Variants in COBLL1 observed in about 807,000 individuals in gnomAD.
COBLL1 encodes the protein cordon-bleu WH2 repeat protein like 1, also known as cordon-bleu protein-like 1.
A neutral mutation model predicts 94.8 loss-of-function variants in COBLL1; 50 were observed. The observed-to-expected ratio is 0.53, with a 90% confidence interval of 0.42 to 0.67. The LOEUF (loss-of-function observed/expected upper bound fraction) is 0.67. Ranked by LOEUF, COBLL1 falls within the 30% of genes least tolerant of loss-of-function variation. The pLI is 0.00. For synonymous variants in COBLL1, 448 were observed against 473.8 expected (o/e 0.95, Z 0.71); for missense variants, 1,362 against 1,348.7 (o/e 1.01, Z -0.15).
At chr2:164,811,206 G>C (rs1684441626) in intron 2 of COBLL1, among the ~76,000 whole-genome samples, 1 of 151,800 alleles carries the variant, frequency 6.6e-6, no homozygotes, top group South Asian at 2.1e-4. Flanking sequence ...GATTTTACAG[G>C]ATATGATGAA....
intron 2 of COBLL1, among the ~76,000 whole-genome samples, chr2:164,815,760 A>C (rs1260013044): frequency 1.3e-5 from 2 of 152,072 alleles, no homozygotes; most frequent in African/African-American, 4.8e-5. Context: ...TCCTCCCCAA[A>C]CCATATTATT....
chr2:164,768,026 T>C (rs754221484), intron 2 of COBLL1, among the ~76,000 whole-genome samples: 1 of 152,172 alleles, frequency 6.6e-6, no homozygotes, highest in Non-Finnish European at 1.5e-5. Flanking sequence ...GGAAATCTTA[T>C]CTGAACAAGT....
chr2:164,741,701 T>A (rs1354976063), intron 3 of COBLL1, among the ~76,000 whole-genome samples: 3 of 152,098 alleles, frequency 2.0e-5, no homozygotes, highest in African/African-American at 7.2e-5. Context: ...GGAAAGTTAC[T>A]CAGATTTAGG....
chr2:164,757,920 C>T (rs1687491504), intron 2 of COBLL1, among the ~76,000 whole-genome samples: 1 of 151,924 alleles, frequency 6.6e-6, no homozygotes, highest in South Asian at 2.1e-4. Flanking sequence ...GGGATGTTTA[C>T]TTTTTGAACA....
At chr2:164,696,569 C>T (rs1192809781) in intron 11 of COBLL1, 1 of 152,142 alleles carries the variant, frequency 6.6e-6, no homozygotes, top group Non-Finnish European at 1.5e-5. Flanking sequence ...CCTTATTCTA[C>T]AGTCAGAGTC....
In COBLL1 at chr2:164,801,438, C is replaced by CAAAAAAAAAAAA. The variant is rs143505097; in HGVS notation, c.41+39706_41+39717dup. Among the ~76,000 whole-genome samples the CAAAAAAAAAAAA allele has an allele frequency of 3.9e-4, 11 of 28,208 alleles. 1 individual carries two copies. The highest frequency in any genetic ancestry group is 1.4e-3 in the African/African-American group (11 of 7,998). 18.5% of individuals were successfully genotyped at this position (28,208 alleles called of 152,430 possible). On this transcript the variant is annotated intron_variant, in intron 2 of 13. Coordinates refer to ENST00000652658, the MANE Select transcript of COBLL1 (RefSeq NM_001365672.2). ...TGGGCGACAGAGCGAGACTCCGTCT[C>CAAAAAAAAAAAA]AAAAAAAAAAAAAAAAAAAAAAAAA...
At chr2:164,792,102 C>T (rs1683217057) in intron 2 of COBLL1, among the ~76,000 whole-genome samples, 3 of 151,498 alleles carry the variant, frequency 2.0e-5, no homozygotes, top group African/African-American at 7.3e-5. Context: ...TTCTTTCTTT[C>T]TATTCTTTAT....
At chr2:164,688,302 C>T (rs1030589865) in intron 13 of COBLL1, among the ~76,000 whole-genome samples, 15 of 152,086 alleles carry the variant, frequency 9.9e-5, no homozygotes, top group African/African-American at 1.7e-4. Context: ...TACTAGTTTA[C>T]GCATTCTGAG....
chr2:164,825,833 T>C (rs1182580992), intron 2 of COBLL1, among the ~76,000 whole-genome samples: 3 of 152,188 alleles, frequency 2.0e-5, no homozygotes, highest in African/African-American at 2.4e-5. Context: ...TCAGAAGTTA[T>C]AGATTCCTCT....
rs1559053972 is a variant in COBLL1, at chr2:164,826,910, TTCTC to T, written c.41+14242_41+14245del. Among the ~76,000 whole-genome samples, 9 of 151,822 alleles carry T rather than the reference TTCTC, an allele frequency of 5.9e-5. No individual in the cohort carries two copies. The South Asian group carries it at 1.0e-3, about 18-fold the overall frequency. On this transcript the variant is annotated intron_variant, in intron 2 of 13. Transcript: ENST00000652658. ...GTCTTTGTTTCGTTTTTTTTTTTGTTTCTCTCTCTTTTTTGTTTTGTTTTGTGGG... is the reference window on the plus strand; with the variant it reads ...GTCTTTGTTTCGTTTTTTTTTTTGTTTCTCTTTTTTGTTTTGTTTTGTGGG...
intron 3 of COBLL1, among the ~76,000 whole-genome samples, chr2:164,733,120 A>G (rs571367823): frequency 5.3e-5 from 8 of 152,190 alleles, no homozygotes; most frequent in Non-Finnish European, 1.2e-4. Flanking sequence ...TTTTATCCCT[A>G]TTTTTGTGCC....
intron 2 of COBLL1, among the ~76,000 whole-genome samples, chr2:164,820,625 T>C (rs1271572062): frequency 1.3e-5 from 2 of 152,234 alleles, no homozygotes; most frequent in South Asian, 2.1e-4. Context: ...AATGTATTCA[T>C]ACTGTTCAGC....
chr2:164,823,085 G>A (rs988913839), intron 2 of COBLL1, among the ~76,000 whole-genome samples: 25 of 152,250 alleles, frequency 1.6e-4, no homozygotes, highest in African/African-American at 5.8e-4. Flanking sequence ...GCATTTCAGA[G>A]ATTTGGACTT....
rs76503320 is a variant in COBLL1 at position 164,777,974 on chromosome 2, G to C, written c.42-34099C>G. Among the ~76,000 whole-genome samples, 561 of 152,264 alleles carry C rather than the reference G, an allele frequency of 3.7e-3. 7 individuals carry two copies. The highest frequency in any genetic ancestry group is 0.012 in the African/African-American group (514 of 41,546). On this transcript the variant is annotated intron_variant, in intron 2 of 13. Coordinates refer to ENST00000652658, the MANE Select transcript of COBLL1 (RefSeq NM_001365672.2). ...AAACACAGCATTCTATGTGGCCTTG[G>C]GAGAATGGCACTGTAAACTCTAAGC...
In COBLL1 at chr2:164,832,832, A is replaced by T. The variant is rs1022220997; in HGVS notation, c.41+8324T>A. Among the ~76,000 whole-genome samples the T allele has an allele frequency of 5.3e-5, 8 of 151,914 alleles. No homozygotes were observed. The South Asian group carries it at 1.5e-3, about 28-fold the overall frequency. Reference sequence around the variant, plus strand: ...GCCGAGGCGGGCGGATCACCTGAGGACGGGAGTTTCAGACCAGCCTGACCA... The same window carrying T: ...GCCGAGGCGGGCGGATCACCTGAGGTCGGGAGTTTCAGACCAGCCTGACCA... On this transcript the variant is annotated intron_variant, in intron 2 of 13. Transcript: ENST00000652658.
At chr2:164,674,273 A>T (rs1186631566) in intron 1 of COBLL1, among the ~76,000 whole-genome samples, 1 of 152,116 alleles carries the variant, frequency 6.6e-6, no homozygotes, top group Non-Finnish European at 1.5e-5. Flanking sequence ...GTTGGCCAGG[A>T]TGGCCTCGAT....
At chr2:164,785,499 G>T (rs1334008272) in intron 2 of COBLL1, among the ~76,000 whole-genome samples, 1 of 152,170 alleles carries the variant, frequency 6.6e-6, no homozygotes, top group Non-Finnish European at 1.5e-5. Flanking sequence ...AAGATTTAAA[G>T]AGTTCTGTTT....
At position 164,694,236 on chromosome 2, in the gene COBLL1, T is replaced by C. The variant is rs1278073547; in HGVS notation, c.3123+33A>G. 2.5e-6 allele frequency: 4 copies of C among 1,577,020 alleles called. No individual in the cohort carries two copies. In the Admixed American group the frequency reaches 7.3e-5, roughly 29 times the overall value. Reference sequence around the variant, plus strand: ...CCCCCATTAAACCATGTCATTAAATTTGAATACTTATTTTTAAAAAGGCTA... The same window carrying C: ...CCCCCATTAAACCATGTCATTAAATCTGAATACTTATTTTTAAAAAGGCTA... On this transcript the variant is annotated intron_variant, in intron 12 of 13. Coordinates refer to ENST00000652658, the MANE Select transcript of COBLL1 (RefSeq NM_001365672.2).
At chr2:164,812,893 C>A (rs949530921) in intron 2 of COBLL1, among the ~76,000 whole-genome samples, 1 of 151,952 alleles carries the variant, frequency 6.6e-6, no homozygotes, top group Non-Finnish European at 1.5e-5. Context: ...TTGTACTTTC[C>A]CCGTAAGTAT....
Sources: gnomAD v4.1 joint callset for allele counts (sites outside exome capture counted in the v4.1 genomes callset) on GRCh38, gnomAD v4.1.1 for gene constraint, MANE v1.5 for transcripts, NCBI Gene and HGNC (gene_info 2026-07-23, HGNC 2026-07-21) for gene names.